Variants in TREM2 observed in about 807,000 individuals in gnomAD.
TREM2 encodes triggering receptor expressed on myeloid cells 2.
A neutral mutation model predicts 22.9 loss-of-function variants in TREM2; 20 were observed. The observed-to-expected ratio is 0.87, with a 90% CI of 0.61 to 1.27. The LOEUF is 1.27. Ranked by LOEUF, TREM2 falls within the 50% of genes most tolerant of loss-of-function variation. TREM2 has a pLI of 0.00. For missense variants in TREM2, 267 were observed against 289.0 expected (o/e 0.92, Z 0.55); for synonymous variants, 111 against 120.9 (o/e 0.92, Z 0.54).
chr6:41,161,893 C>T (rs61333415), intron 1 of TREM2, among the ~76,000 whole-genome samples: 5,459 of 152,184 alleles, frequency 0.036, 317 homozygotes, highest in African/African-American at 0.12. Context: ...AAAACCCCCT[C>T]CAGTTCTGTT....
Position 41,161,540 on chromosome 6 carries a change from A to G in TREM2, c.114T>C (p.Tyr38=), listed in dbSNP as rs752306518. The G allele has an allele frequency of 6.2e-7, 1 of 1,614,190 alleles. No homozygotes were observed. The highest frequency in any genetic ancestry group is 1.1e-5 in the South Asian group (1 of 91,080). ...GCCTCCCCCAGTGCTTCATGGAGTCATAGGGGCAAGACACCTGCAGGGACT... is the reference window on the plus strand; with the variant it reads ...GCCTCCCCCAGTGCTTCATGGAGTCGTAGGGGCAAGACACCTGCAGGGACT... ...AGQSLQVSCP[Y]DSMKHWGRRK... The change falls in exon 2 of 5, where the codon TAT becomes TAC. Residue 38 remains tyrosine (Y), a synonymous_variant. Transcript: ENST00000373113.
Position 41,158,809 on chromosome 6 carries a change from C to G in TREM2, c.677-29G>C, listed in dbSNP as rs765124177. On this transcript the variant is annotated intron_variant, in intron 4 of 4. Coordinates refer to ENST00000373113, the MANE Select transcript of TREM2 (RefSeq NM_018965.4). ...CAATAGTCCAAGGACTCATGTGGCCCCTCTCGGCACCGCCTCCCATCCCTG... is the reference window on the plus strand; with the variant it reads ...CAATAGTCCAAGGACTCATGTGGCCGCTCTCGGCACCGCCTCCCATCCCTG... 2.5e-6 allele frequency: 4 copies of G among 1,614,212 alleles called. No individual in the cohort carries two copies. In the South Asian group the frequency reaches 4.4e-5, roughly 18 times the overall value.
chr6:41,159,782 A>G lies in TREM2; in HGVS notation c.482+10T>C. On this transcript the variant is annotated intron_variant, in intron 3 of 4. Transcript: ENST00000373113. The stretch of plus-strand genomic sequence containing the variant: ...TGCCCACGGGTTTTAGGAAAGACCC[A>G]TCGCTGTACCTGGAGATGCTGTGCT... The G allele has an allele frequency of 6.2e-7, 1 of 1,613,784 alleles. No individual in the cohort carries two copies. Among genetic ancestry groups the G allele is most frequent in the Non-Finnish European group, 8.5e-7 (1 of 1,179,696 alleles).
chr6:41,162,371 T>A (rs1013970112), intron 1 of TREM2, among the ~76,000 whole-genome samples: 2 of 152,180 alleles, frequency 1.3e-5, no homozygotes, highest in African/African-American at 4.8e-5. Flanking sequence ...GAACCCCGCC[T>A]TCCCCCTGAC....
chr6:41,160,343 A>G (rs1158795988), intron 2 of TREM2, among the ~76,000 whole-genome samples: 1 of 152,048 alleles, frequency 6.6e-6, no homozygotes. Flanking sequence ...GTTTGTGTCT[A>G]TGACTGGCAG....
At chr6:41,162,747 C>A (rs1765600481) in intron 1 of TREM2, among the ~76,000 whole-genome samples, 1 of 152,168 alleles carries the variant, frequency 6.6e-6, no homozygotes, top group Non-Finnish European at 1.5e-5. Context: ...CAACTGCCAG[C>A]TAGTGCCTGG....
chr6:41,159,104 G>A, intron 3 of TREM2, 38 bp from the exon 4 acceptor site: 1 of 1,588,006 alleles, frequency 6.3e-7, no homozygotes, highest in Non-Finnish European at 8.6e-7. Flanking sequence ...GCCTTGAGAT[G>A]GCCTACAGAT....
intron 4 of TREM2, 23 bp from the exon 5 acceptor site, chr6:41,158,803 G>T: frequency 6.2e-7 from 1 of 1,614,206 alleles, no homozygotes; most frequent in Non-Finnish European, 8.5e-7. Flanking sequence ...AAGGACTCAT[G>T]TGGCCCCTCT....
At chr6:41,162,943 C>A (rs1188762627) in intron 1 of TREM2, 100 bp downstream of exon 1, 1 of 1,526,282 alleles carries the variant, frequency 6.6e-7, no homozygotes, top group Non-Finnish European at 9.1e-7. Context: ...CGAGGACTGC[C>A]ACCGCCTTCA....
At chr6:41,162,902 A>G in intron 1 of TREM2, 141 bp downstream of exon 1, 1 of 1,022,046 alleles carries the variant, frequency 9.8e-7, no homozygotes, top group Non-Finnish European at 1.5e-6. Flanking sequence ...GGTGGGGAGG[A>G]GAGGAGTGCA....
At chr6:41,161,649 C>A in intron 1 of TREM2, 36 bp from the exon 2 acceptor site, 1 of 1,555,208 alleles carries the variant, frequency 6.4e-7, no homozygotes, top group South Asian at 1.1e-5. Flanking sequence ...CTTTGTTTAC[C>A]AAATACGCTT....
In TREM2 at chr6:41,161,744, T is replaced by C. The variant is rs527461310; in HGVS notation, c.41-131A>G. 10 of 772,608 alleles carry C rather than the reference T, an allele frequency of 1.3e-5. No homozygotes were observed. The African/African-American group carries it at 1.5e-4, about 12-fold the overall frequency. The allele number at this position is 772,608 out of a possible 1,614,324, so 47.9% of individuals were successfully genotyped here. On this transcript the variant is annotated intron_variant, in intron 1 of 4. Transcript: ENST00000373113. ...GGTTCTTATACAAGTTGGGAGCGGA[T>C]GGCACAGCATGTGTTTGTGGGAAAT...
At chr6:41,160,099 A>T (rs956752148) in intron 2 of TREM2, among the ~76,000 whole-genome samples, 3 of 151,964 alleles carry the variant, frequency 2.0e-5, no homozygotes, top group Non-Finnish European at 4.4e-5. Context: ...CCGTGAGGGC[A>T]CCTCTGTGCC....
intron 1 of TREM2, 64 bp downstream of exon 1, chr6:41,162,979 G>A (rs916665853): frequency 3.2e-5 from 51 of 1,611,784 alleles, no homozygotes; most frequent in Admixed American, 1.0e-4. Flanking sequence ...CCCACCACCC[G>A]CGCCCCAACC....
chr6:41,160,897 A>G (rs995517075), intron 2 of TREM2, among the ~76,000 whole-genome samples: 1 of 151,980 alleles, frequency 6.6e-6, no homozygotes, highest in Admixed American at 6.5e-5. Flanking sequence ...CTCCTTAAGG[A>G]CCTCCTATCA....
chr6:41,161,295 G>A lies in TREM2; in HGVS notation c.359C>T (p.Thr120Ile). The A allele has an allele frequency of 6.2e-7, 1 of 1,614,142 alleles. No homozygotes were observed. Among genetic ancestry groups the A allele is most frequent in the South Asian group, 1.1e-5 (1 of 91,084 alleles). Residue 120 changes from threonine to isoleucine, a missense_variant, in exon 2 of 5, where the codon ACC (threonine) becomes ATC (isoleucine). Physicochemically the swap from Thr to Ile is moderately conservative, Grantham distance 89 (BLOSUM62 -1). Coordinates refer to ENST00000373113, the MANE Select transcript of TREM2 (RefSeq NM_018965.4). ...CACCTCCACCAGGACCTTCCTGAGG[G>A]TGTCAGCCTCACTGCCATGGAGGCT... ...CQSLHGSEAD[T>I]LRKVLVEVLA... is the part of the protein sequence containing the mutation.
In TREM2 at chr6:41,163,077, C is replaced by A. The variant is rs1187834290; in HGVS notation, c.6G>T (p.Glu2Asp). Residue 2 changes from glutamate to aspartate, a missense_variant, in exon 1 of 5, where the codon GAG (glutamate) becomes GAT (aspartate). Physicochemically the swap from Glu to Asp is conservative, Grantham distance 45. Coordinates refer to ENST00000373113, the MANE Select transcript of TREM2 (RefSeq NM_018965.4). ...AGAGTAAGATGAGCAGCCGGAGAGG[C>A]TCCATGCCACCCTTCCCCAGCCAAG... Reference protein sequence around the residue: MEPLRLLILLFV... With the variant: MDPLRLLILLFV... 6.2e-7 allele frequency: 1 copy of A among 1,614,144 alleles called. No individual in the cohort carries two copies.
rs371611083 is a variant in TREM2 at position 41,158,530 on chromosome 6, G to A, written c.*234C>T. ...CTATCCAGCTAAATATGACAGTCTT[G>A]GATTTATTTGTAAGTGTTTAAAATG... On this transcript the variant is annotated 3_prime_UTR_variant, in exon 5 of 5. Coordinates refer to ENST00000373113, the MANE Select transcript of TREM2 (RefSeq NM_018965.4). 1.6e-4 allele frequency: 230 copies of A among 1,423,622 alleles called. 1 individual carries two copies. In the Middle Eastern group the frequency reaches 5.0e-3, roughly 31 times the overall value. 88.2% of individuals were successfully genotyped at this position (1,423,622 alleles called of 1,614,324 possible).
At chr6:41,162,202 G>A (rs534082581) in intron 1 of TREM2, among the ~76,000 whole-genome samples, 63 of 152,326 alleles carry the variant, frequency 4.1e-4, no homozygotes, top group African/African-American at 1.5e-3. Flanking sequence ...CCCCTGCTTT[G>A]ACTTCTCTCT....
Sources: allele counts gnomAD v4.1 joint callset (sites outside exome capture counted in the v4.1 genomes callset), GRCh38; gene constraint gnomAD v4.1.1; transcripts MANE v1.5; gene names NCBI Gene and HGNC (gene_info 2026-07-23, HGNC 2026-07-21).